Variants in AGBL4 observed in about 807,000 individuals in gnomAD.
The protein encoded by AGBL4 is AGBL carboxypeptidase 4.
AGBL4 carries 58 observed loss-of-function variants against 66.4 expected under a neutral mutation model. The ratio of observed to expected loss-of-function variants is 0.87; its 90% CI spans 0.71 to 1.09. The LOEUF is 1.09. Among genes scored for constraint, AGBL4 ranks in the 50% least tolerant of loss-of-function variants. The pLI is 0.00. For synonymous variants in AGBL4, 234 were observed against 222.9 expected (o/e 1.05, Z -0.44); for missense variants, 579 against 631.0 (o/e 0.92, Z 0.88).
At chr1:49,045,856 A>G in intron 4 of AGBL4, 56 bp from the exon 5 acceptor site, 1 of 1,393,168 alleles carries the variant, frequency 7.2e-7, no homozygotes, top group South Asian at 1.3e-5. Context: ...CAAGCTTCAA[A>G]AGGTAATACA....
chr1:48,836,560 G>GA (rs1311359515), intron 6 of AGBL4, among the ~76,000 whole-genome samples: 4 of 150,930 alleles, frequency 2.7e-5, no homozygotes, highest in African/African-American at 7.3e-5. Context: ...CTGCACAAAA[G>GA]AAAAAAAAGG....
At chr1:49,827,583 T>C (rs1476191899) in intron 2 of AGBL4, among the ~76,000 whole-genome samples, 1 of 152,194 alleles carries the variant, frequency 6.6e-6, no homozygotes, top group Non-Finnish European at 1.5e-5. Context: ...GGCAGTGTTA[T>C]TCAAAATTTG....
At chr1:49,176,351 T>G (rs1311052333) in intron 4 of AGBL4, among the ~76,000 whole-genome samples, 1 of 152,154 alleles carries the variant, frequency 6.6e-6, no homozygotes, top group African/African-American at 2.4e-5. Flanking sequence ...CAGACATATG[T>G]CTATATTTAC....
chr1:48,785,392 G>T (rs1645385340), intron 6 of AGBL4, among the ~76,000 whole-genome samples: 2 of 152,114 alleles, frequency 1.3e-5, no homozygotes, highest in South Asian at 4.2e-4. Flanking sequence ...CCTACCCAGA[G>T]ATGAGAGGCA....
chr1:48,847,779 T>C (rs569714723), intron 6 of AGBL4, among the ~76,000 whole-genome samples: 11 of 152,326 alleles, frequency 7.2e-5, no homozygotes, highest in Admixed American at 1.3e-4. Flanking sequence ...CTTAGTTCAA[T>C]TGAAATGAAA....
intron 3 of AGBL4, among the ~76,000 whole-genome samples, chr1:49,251,336 C>A (rs1217629271): frequency 6.6e-6 from 1 of 152,200 alleles, no homozygotes; most frequent in Non-Finnish European, 1.5e-5. Flanking sequence ...ACTTGCCCTT[C>A]CACACATAAA....
chr1:49,314,566 T>C (rs1645003999), intron 3 of AGBL4, among the ~76,000 whole-genome samples: 1 of 152,068 alleles, frequency 6.6e-6, no homozygotes, highest in Non-Finnish European at 1.5e-5. Context: ...TGAACTCATC[T>C]TTTTTATGGC....
At chr1:48,801,524 C>T (rs1403201220) in intron 6 of AGBL4, among the ~76,000 whole-genome samples, 4 of 152,194 alleles carry the variant, frequency 2.6e-5, no homozygotes, top group African/African-American at 4.8e-5. Flanking sequence ...CTGAGAGTGC[C>T]TACAGGGCTT....
intron 2 of AGBL4, among the ~76,000 whole-genome samples, chr1:49,708,953 C>T (rs949640295): frequency 4.6e-5 from 7 of 152,264 alleles, no homozygotes; most frequent in Non-Finnish European, 8.8e-5. Context: ...CGACACCTGC[C>T]AAATGCCAGC....
intron 3 of AGBL4, among the ~76,000 whole-genome samples, chr1:49,473,857 A>G (rs1393649105): frequency 6.6e-6 from 1 of 152,108 alleles, no homozygotes; most frequent in African/African-American, 2.4e-5. Context: ...GTGGTTAGCC[A>G]GTTTTCCCAG....
chr1:49,113,342 T>A (rs1645450996), intron 4 of AGBL4, among the ~76,000 whole-genome samples: 1 of 151,964 alleles, frequency 6.6e-6, no homozygotes, highest in African/African-American at 2.4e-5. Flanking sequence ...CCTCCCAGGT[T>A]CAAGGGATTC....
chr1:48,932,252 T>C (rs1298682618), intron 5 of AGBL4, among the ~76,000 whole-genome samples: 3 of 152,162 alleles, frequency 2.0e-5, no homozygotes, highest in Non-Finnish European at 4.4e-5. Flanking sequence ...ACCCTAGTAA[T>C]TTTCATAGAC....
At position 49,926,899 on chromosome 1, in the gene AGBL4, T is replaced by G. The variant is rs539034408; in HGVS notation, c.35-75381A>C. On this transcript the variant is annotated intron_variant, in intron 1 of 13. Coordinates refer to ENST00000371839, the MANE Select transcript of AGBL4 (RefSeq NM_032785.4). ...ATAAAGGGAGTTTATTAAGGAGTAT[T>G]AATTCACACAATCACAAGATACCAC... Among the ~76,000 whole-genome samples, 3 of 152,232 alleles carry G rather than the reference T, an allele frequency of 2.0e-5. No homozygotes were observed. The South Asian group carries it at 6.2e-4, about 32-fold the overall frequency.
At chr1:49,025,171 G>A (rs1451276354) in intron 5 of AGBL4, among the ~76,000 whole-genome samples, 2 of 152,178 alleles carry the variant, frequency 1.3e-5, no homozygotes, top group Non-Finnish European at 2.9e-5. Context: ...TGTTTGCAGA[G>A]AGTGGATAAA....
At chr1:48,892,332 T>C (rs1651050288) in intron 5 of AGBL4, among the ~76,000 whole-genome samples, 2 of 152,266 alleles carry the variant, frequency 1.3e-5, no homozygotes, top group African/African-American at 2.4e-5. Context: ...CTTCACTTGA[T>C]TGCATCTGCA....
chr1:49,778,050 T>A (rs1644242549), intron 2 of AGBL4, among the ~76,000 whole-genome samples: 1 of 152,164 alleles, frequency 6.6e-6, no homozygotes, highest in Non-Finnish European at 1.5e-5. Context: ...ATTTCTCATT[T>A]TCCCCAAAGC....
At chr1:49,179,703 AACAG>A (rs1184489690) in intron 4 of AGBL4, among the ~76,000 whole-genome samples, 1 of 151,938 alleles carries the variant, frequency 6.6e-6, no homozygotes, top group Non-Finnish European at 1.5e-5. Context: ...GACACAGAGA[AACAG>A]ACAGACATAA....
intron 4 of AGBL4, among the ~76,000 whole-genome samples, chr1:49,050,973 G>A (rs1418300276): frequency 1.3e-5 from 2 of 151,980 alleles, no homozygotes; most frequent in African/African-American, 4.8e-5. Context: ...GCATCATTTT[G>A]GAGGTTACCA....
chr1:49,950,589 A>G (rs535810937), intron 1 of AGBL4, among the ~76,000 whole-genome samples: 57 of 151,934 alleles, frequency 3.8e-4, no homozygotes, highest in African/African-American at 1.3e-3. Flanking sequence ...TTTAAAAATA[A>G]ATAAATTTTT....
Sources: allele counts gnomAD v4.1 joint callset (sites outside exome capture counted in the v4.1 genomes callset), GRCh38; gene constraint gnomAD v4.1.1; transcripts MANE v1.5; gene names NCBI Gene and HGNC (gene_info 2026-07-23, HGNC 2026-07-21).